DLGAP2: variants seen among roughly 807,000 people sequenced by gnomAD.
The protein encoded by DLGAP2 is disks large-associated protein 2.
A neutral mutation model predicts 100.3 loss-of-function variants in DLGAP2; 26 were observed. That is an observed-to-expected ratio of 0.26 (90% CI 0.19 to 0.36). The LOEUF (loss-of-function observed/expected upper bound fraction) is 0.36, where lower values mean the gene tolerates loss of function less well. Among genes scored for constraint, DLGAP2 ranks in the 10% least tolerant of loss-of-function variants. The probability of loss-of-function intolerance (pLI) is 1.00; values close to 1 mark genes in which losing one functional copy is unlikely to be tolerated. For missense variants in DLGAP2, 1,858 were observed against 1,453.2 expected (o/e 1.28, Z -4.53); for synonymous variants, 886 against 630.1 (o/e 1.41, Z -6.08).
At chr8:1,519,441 G>A (rs950765226) in intron 4 of DLGAP2, among the ~76,000 whole-genome samples, 7 of 152,154 alleles carry the variant, frequency 4.6e-5, no homozygotes, top group African/African-American at 1.4e-4. Flanking sequence ...GCAATTCAAG[G>A]TTGGATCCAT....
chr8:1,213,098 C>G (rs1042645742), intron 2 of DLGAP2, among the ~76,000 whole-genome samples: 1 of 152,098 alleles, frequency 6.6e-6, no homozygotes, highest in Admixed American at 6.5e-5. Context: ...TTCACTGTCT[C>G]AAAGATCTCC....
At chr8:1,227,161 T>G (rs866004948) in intron 2 of DLGAP2, among the ~76,000 whole-genome samples, 54 of 132,372 alleles carry the variant, frequency 4.1e-4, no homozygotes, top group African/African-American at 1.6e-3. Flanking sequence ...GAGATATATA[T>G]ATATATATAT....
At chr8:1,333,565 A>ACT (rs1801206383) in intron 3 of DLGAP2, among the ~76,000 whole-genome samples, 2 of 151,402 alleles carry the variant, frequency 1.3e-5, no homozygotes, top group Non-Finnish European at 2.9e-5. Flanking sequence ...TCATCCGGAC[A>ACT]CCTCCATTGC....
At chr8:1,593,371 C>T (rs7813607) in intron 6 of DLGAP2, among the ~76,000 whole-genome samples, 62,549 of 151,640 alleles carry the variant, frequency 0.41, 12,940 homozygotes, top group African/African-American at 0.42. Context: ...AGGAGAATCA[C>T]GTGAACCCAG....
Position 1,234,644 on chromosome 8 carries a change from C to T in DLGAP2, c.74-24207C>T, listed in dbSNP as rs562284804. On this transcript the variant is annotated intron_variant, in intron 2 of 14. Coordinates refer to ENST00000637795, the MANE Select transcript of DLGAP2 (RefSeq NM_001346810.2). ...GATGGTTTCAGCTCTAAAATAATCC[C>T]GTCTCTGGAACAGATCGAGAACGAG... Among the ~76,000 whole-genome samples the T allele has an allele frequency of 1.1e-4, 16 of 152,268 alleles. No homozygotes were observed. In the South Asian group the frequency reaches 1.7e-3, roughly 16 times the overall value.
intron 2 of DLGAP2, among the ~76,000 whole-genome samples, chr8:933,589 G>A (rs1182427387): frequency 1.1e-5 from 1 of 95,138 alleles, no homozygotes; most frequent in Non-Finnish European, 2.1e-5. Flanking sequence ...CTGGCCGTGG[G>A]CACGAGGGGA....
intron 3 of DLGAP2, among the ~76,000 whole-genome samples, chr8:1,432,586 A>G (rs946606766): frequency 6.6e-6 from 1 of 152,192 alleles, no homozygotes; most frequent in Non-Finnish European, 1.5e-5. Context: ...TGTCTTTTGT[A>G]GTTGTAGTTC....
intron 2 of DLGAP2, among the ~76,000 whole-genome samples, chr8:1,232,988 A>T (rs746500549): frequency 1.3e-5 from 2 of 152,134 alleles, no homozygotes; most frequent in Non-Finnish European, 2.9e-5. Flanking sequence ...GTCTCTATGA[A>T]CTTGCTATGC....
chr8:1,435,576 A>C (rs1420231189), intron 3 of DLGAP2, among the ~76,000 whole-genome samples: 1 of 152,008 alleles, frequency 6.6e-6, no homozygotes, highest in African/African-American at 2.4e-5. Context: ...ACAGACGACC[A>C]TGTTGCTGGT....
intron 3 of DLGAP2, among the ~76,000 whole-genome samples, chr8:1,470,352 G>T (rs138862704): frequency 6.6e-6 from 1 of 152,098 alleles, no homozygotes; most frequent in Non-Finnish European, 1.5e-5. Flanking sequence ...AGTGAGCCCC[G>T]CTGGTTCCTT....
chr8:852,676 A>G (rs1797203891), intron 1 of DLGAP2, among the ~76,000 whole-genome samples: 1 of 152,192 alleles, frequency 6.6e-6, no homozygotes, highest in Non-Finnish European at 1.5e-5. Flanking sequence ...CGCAGATGTC[A>G]TGCTAACACC....
chr8:775,037 T>G (rs1477091119), intron 1 of DLGAP2, among the ~76,000 whole-genome samples: 1 of 152,190 alleles, frequency 6.6e-6, no homozygotes, highest in Non-Finnish European at 1.5e-5. Flanking sequence ...AGCAGTGGTT[T>G]GTAGTTCTCC....
intron 4 of DLGAP2, among the ~76,000 whole-genome samples, chr8:1,534,833 G>A (rs550675203): frequency 1.3e-5 from 2 of 152,230 alleles, no homozygotes; most frequent in East Asian, 1.9e-4. Context: ...GTGTGCGCAC[G>A]TGTGCTTGCG....
chr8:777,087 C>T (rs1301713887), intron 1 of DLGAP2, among the ~76,000 whole-genome samples: 1 of 152,066 alleles, frequency 6.6e-6, no homozygotes, highest in Non-Finnish European at 1.5e-5. Flanking sequence ...TTGAATTGAT[C>T]CCTTTACCAT....
At chr8:867,626 G>A (rs866197162) in intron 1 of DLGAP2, among the ~76,000 whole-genome samples, 7 of 152,212 alleles carry the variant, frequency 4.6e-5, no homozygotes, top group African/African-American at 1.7e-4. Flanking sequence ...GATTACTGAT[G>A]ATGAATAAGT....
chr8:1,531,462 T>G (rs11136405), intron 4 of DLGAP2, among the ~76,000 whole-genome samples: 1 of 151,920 alleles, frequency 6.6e-6, no homozygotes, highest in Non-Finnish European at 1.5e-5. Flanking sequence ...TTTTCAGCTA[T>G]TTGGTATTAA....
At chr8:1,465,510 A>G (rs1343473382) in intron 3 of DLGAP2, among the ~76,000 whole-genome samples, 1 of 152,130 alleles carries the variant, frequency 6.6e-6, no homozygotes, top group East Asian at 1.9e-4. Context: ...TTGGTGGTTT[A>G]TTATAAAGGA....
intron 1 of DLGAP2, among the ~76,000 whole-genome samples, chr8:831,109 G>A (rs1796773931): frequency 6.6e-6 from 1 of 151,850 alleles, no homozygotes; most frequent in Non-Finnish European, 1.5e-5. Flanking sequence ...TGTTGGCCAG[G>A]CTGGTCTTGA....
intron 3 of DLGAP2, among the ~76,000 whole-genome samples, chr8:1,449,389 C>T (rs978845954): frequency 6.6e-6 from 1 of 152,198 alleles, no homozygotes; most frequent in Non-Finnish European, 1.5e-5. Context: ...TCAGAGTTGT[C>T]TTGGGGCTGG....
Sources: allele counts gnomAD v4.1 joint callset (sites outside exome capture counted in the v4.1 genomes callset), GRCh38; gene constraint gnomAD v4.1.1; transcripts MANE v1.5; gene names NCBI Gene and HGNC (gene_info 2026-07-23, HGNC 2026-07-21).